Variants in SLC5A4 observed in about 807,000 individuals in gnomAD.
SLC5A4 encodes the protein probable glucose sensor protein SLC5A4.
SLC5A4 carries 55 observed loss-of-function variants against 70.3 expected under a neutral mutation model. That is an observed-to-expected ratio of 0.78 (90% CI 0.63 to 0.98). SLC5A4 has a LOEUF of 0.98. Ranked by LOEUF, SLC5A4 falls within the 50% of genes least tolerant of loss-of-function variation. The pLI is 0.00. For missense variants in SLC5A4, 735 were observed against 839.2 expected (o/e 0.88, Z 1.53); for synonymous variants, 268 against 305.7 (o/e 0.88, Z 1.29).
At chr22:32,269,986 C>T in the SLC5A4 span, 7 of 513,314 alleles carry the variant, frequency 1.4e-5, no homozygotes, top group Admixed American at 4.7e-5. This position sits in a 1 kb window ranked among gnomAD's most constrained non-coding sequence, Gnocchi z 4.1. Context: ...CAACTCTCTC[C>T]TCCTCAAGTA....
intron 13 of SLC5A4, among the ~76,000 whole-genome samples, chr22:32,223,064 T>C (rs1014016266): frequency 6.6e-6 from 1 of 152,140 alleles, no homozygotes; most frequent in Non-Finnish European, 1.5e-5. Flanking sequence ...TATTATATTA[T>C]TCTGCACATA....
At chr22:32,288,957 T>C in the SLC5A4 span, among the ~76,000 whole-genome samples, 1 of 152,208 alleles carries the variant, frequency 6.6e-6, no homozygotes, top group Non-Finnish European at 1.5e-5. Context: ...TTTTTTTTCT[T>C]GTTTGTGTCT....
chr22:32,312,363 GCGCA>G, the SLC5A4 span, among the ~76,000 whole-genome samples: 1,014 of 84,622 alleles, frequency 0.012, 11 homozygotes, highest in African/African-American at 0.037. Flanking sequence ...ACACGCGCGC[GCGCA>G]CACACACACA....
At chr22:32,290,107 G>C in the SLC5A4 span, among the ~76,000 whole-genome samples, 1 of 151,954 alleles carries the variant, frequency 6.6e-6, no homozygotes, top group African/African-American at 2.4e-5. Flanking sequence ...TTTACTTTAA[G>C]TTCTGGGATG....
chr22:32,308,864 A>T, the SLC5A4 span, among the ~76,000 whole-genome samples: 1 of 152,128 alleles, frequency 6.6e-6, no homozygotes, highest in East Asian at 1.9e-4. Context: ...GCATGTGTGC[A>T]TGTATGTACT....
the SLC5A4 span, among the ~76,000 whole-genome samples, chr22:32,346,761 AC>A: frequency 2.7e-5 from 4 of 146,226 alleles, no homozygotes; most frequent in Admixed American, 6.9e-5. Flanking sequence ...CTAGAAGAAA[AC>A]CTAGGCATTA....
At chr22:32,316,934 C>CCGTGTG in the SLC5A4 span, among the ~76,000 whole-genome samples, 1 of 148,622 alleles carries the variant, frequency 6.7e-6, no homozygotes, top group African/African-American at 2.5e-5. Flanking sequence ...ATTAACAACT[C>CCGTGTG]TGTGTGTGTG....
At chr22:32,336,237 G>A in the SLC5A4 span, among the ~76,000 whole-genome samples, 1 of 152,222 alleles carries the variant, frequency 6.6e-6, no homozygotes, top group Non-Finnish European at 1.5e-5. Flanking sequence ...TACTCTTGCT[G>A]CAGCTCAGAG....
the SLC5A4 span, among the ~76,000 whole-genome samples, chr22:32,305,258 C>T: frequency 2.6e-5 from 4 of 151,978 alleles, no homozygotes; most frequent in South Asian, 6.2e-4. Flanking sequence ...ATTTGGAGCA[C>T]AGTAAGCAAG....
the SLC5A4 span, among the ~76,000 whole-genome samples, chr22:32,286,750 A>G: frequency 1.3e-5 from 2 of 152,258 alleles, no homozygotes; most frequent in African/African-American, 4.8e-5. Flanking sequence ...TATTGTAAGC[A>G]TATCTTGGCT....
At chr22:32,308,647 ATCTT>A in the SLC5A4 span, among the ~76,000 whole-genome samples, 3 of 152,168 alleles carry the variant, frequency 2.0e-5, no homozygotes, top group Non-Finnish European at 4.4e-5. Context: ...ACACATTTGA[ATCTT>A]TCTGATGATG....
At chr22:32,312,363 G>GCACACACACA in the SLC5A4 span, among the ~76,000 whole-genome samples, 213 of 84,616 alleles carry the variant, frequency 2.5e-3, 1 homozygote, top group African/African-American at 7.9e-3. Context: ...ACACGCGCGC[G>GCACACACACA]CGCACACACA....
the SLC5A4 span, among the ~76,000 whole-genome samples, chr22:32,313,990 T>C: frequency 6.6e-6 from 1 of 152,230 alleles, no homozygotes; most frequent in African/African-American, 2.4e-5. Flanking sequence ...TGACAGTTCT[T>C]AACTGATAAA....
At chr22:32,225,307 C>T (rs956551513) in intron 12 of SLC5A4, among the ~76,000 whole-genome samples, 1 of 152,208 alleles carries the variant, frequency 6.6e-6, no homozygotes, top group African/African-American at 2.4e-5. Context: ...TAGGTGCTAT[C>T]ATTATCTTCA....
chr22:32,251,796 C>A lies in SLC5A4; in HGVS notation c.286G>T (p.Val96Phe). ...GLAGTGAASG[V>F]ATVTFEWTSS... ...GTCCATTCAAATGTTACGGTGGCGA[C>A]TCCTGAAGCTGCTCCTGTCCCAGCC... The change falls in exon 3 of 15, where the codon GTC (valine) becomes TTC (phenylalanine). Residue 96 changes from valine to phenylalanine, a missense_variant. By Grantham distance (50) the Val-to-Phe change is conservative. Transcript: ENST00000266086. 1.2e-6 allele frequency: 2 copies of A among 1,613,278 alleles called. No individual in the cohort carries two copies. The highest frequency in any genetic ancestry group is 1.7e-6 in the Non-Finnish European group (2 of 1,179,196).
the SLC5A4 span, among the ~76,000 whole-genome samples, chr22:32,324,211 TCATA>T: frequency 7.7e-6 from 1 of 129,766 alleles, no homozygotes; most frequent in Admixed American, 8.5e-5. Context: ...TTTTTATACC[TCATA>T]TATATACATA....
At chr22:32,220,750 T>G (rs1235860964) in intron 14 of SLC5A4, among the ~76,000 whole-genome samples, 170 bp downstream of exon 14, 1 of 152,210 alleles carries the variant, frequency 6.6e-6, no homozygotes, top group Non-Finnish European at 1.5e-5. Context: ...GATGAATAGA[T>G]GGATTTAATA....
the SLC5A4 span, among the ~76,000 whole-genome samples, chr22:32,297,423 T>A: frequency 6.6e-6 from 1 of 150,688 alleles, no homozygotes; most frequent in African/African-American, 2.4e-5. Flanking sequence ...TCTTCTAGAT[T>A]TTCTAGTTTA....
chr22:32,311,813 G>C, the SLC5A4 span, among the ~76,000 whole-genome samples: 2 of 152,176 alleles, frequency 1.3e-5, no homozygotes, highest in African/African-American at 2.4e-5. Flanking sequence ...AACTCAGGGC[G>C]ACAGCCTGTG....
Sources: allele counts gnomAD v4.1 joint callset (sites outside exome capture counted in the v4.1 genomes callset), GRCh38; gene constraint gnomAD v4.1.1; non-coding constraint Gnocchi (gnomAD v3.1); transcripts MANE v1.5; gene names NCBI Gene and HGNC (gene_info 2026-07-23, HGNC 2026-07-21).